The following TSPAN5 variants were observed in gnomAD, a reference collection of about 807,000 sequenced individuals.
TSPAN5 encodes the protein tetraspanin-5.
Under a neutral mutation model 37.1 loss-of-function variants are expected in TSPAN5, and 10 were observed. That is an observed-to-expected ratio of 0.27 (90% confidence interval 0.17 to 0.46). The LOEUF is 0.46. TSPAN5 is among the 20% of genes least tolerant of loss of function. The probability of loss-of-function intolerance (pLI) is 1.00; values close to 1 mark genes in which losing one functional copy is unlikely to be tolerated. For synonymous variants in TSPAN5, 110 were observed against 118.9 expected (o/e 0.93, Z 0.48); for missense variants, 195 against 326.6 (o/e 0.60, Z 3.11).
At chr4:98,546,504 T>C (rs1056155010) in intron 1 of TSPAN5, among the ~76,000 whole-genome samples, 4 of 152,216 alleles carry the variant, frequency 2.6e-5, no homozygotes, top group African/African-American at 7.2e-5. Context: ...CTATGGTATA[T>C]AAGGGCAAAT....
chr4:98,475,154 T>G (rs1324197495), intron 7 of TSPAN5, among the ~76,000 whole-genome samples: 1 of 152,252 alleles, frequency 6.6e-6, no homozygotes, highest in African/African-American at 2.4e-5. Flanking sequence ...ATGGGTCCCT[T>G]GCTTTTCCAT....
chr4:98,589,377 T>G (rs533855935), intron 1 of TSPAN5, among the ~76,000 whole-genome samples: 2 of 152,210 alleles, frequency 1.3e-5, no homozygotes, highest in African/African-American at 4.8e-5. Flanking sequence ...GCTTAACAGC[T>G]GCATTACTGG....
Position 98,476,310 on chromosome 4 carries a change from A to G in TSPAN5, c.625-5T>C. 6.2e-7 allele frequency: 1 copy of G among 1,613,970 alleles called. No homozygotes were observed. On this transcript the variant is annotated splice_polypyrimidine_tract_variant and splice_region_variant and intron_variant, in intron 6 of 7. Transcript: ENST00000305798. ...TACAATCTGCTGGTCAACTTCCTTC[A>G]CAAGAGAAGAGGAGAGCACATTGTC...
chr4:98,611,894 C>T (rs1370246318), intron 1 of TSPAN5, among the ~76,000 whole-genome samples: 3 of 152,190 alleles, frequency 2.0e-5, no homozygotes, highest in African/African-American at 7.2e-5. Context: ...TGGAGGGTGG[C>T]GAGTGGGCTG....
chr4:98,569,338 T>C (rs1329763373), intron 1 of TSPAN5, among the ~76,000 whole-genome samples: 1 of 152,214 alleles, frequency 6.6e-6, no homozygotes, highest in African/African-American at 2.4e-5. Flanking sequence ...GATGGAGAGA[T>C]TAGCTCTGGC....
chr4:98,617,123 G>T (rs972320805), intron 1 of TSPAN5, among the ~76,000 whole-genome samples: 1 of 152,096 alleles, frequency 6.6e-6, no homozygotes, highest in Non-Finnish European at 1.5e-5. Context: ...CTTTAAGAAA[G>T]AATTTATGAA....
chr4:98,479,710 C>T (rs1271727528), intron 4 of TSPAN5, among the ~76,000 whole-genome samples: 4 of 152,276 alleles, frequency 2.6e-5, no homozygotes, highest in East Asian at 1.9e-4. Flanking sequence ...TGTAGCTTCA[C>T]GTCCTGTTTC....
chr4:98,582,247 T>C (rs996692720), intron 1 of TSPAN5, among the ~76,000 whole-genome samples: 7 of 152,250 alleles, frequency 4.6e-5, no homozygotes, highest in Non-Finnish European at 8.8e-5. Context: ...CAACCGCATG[T>C]TGCGTTTGCT....
chr4:98,497,181 C>T (rs1170293236), intron 2 of TSPAN5, among the ~76,000 whole-genome samples: 1 of 151,912 alleles, frequency 6.6e-6, no homozygotes, highest in Non-Finnish European at 1.5e-5. Context: ...AAAAATCAGC[C>T]AGGCGTGCGC....
intron 1 of TSPAN5, among the ~76,000 whole-genome samples, chr4:98,607,168 G>A (rs1034453767): frequency 7.9e-5 from 12 of 152,246 alleles, no homozygotes; most frequent in Admixed American, 3.3e-4. Flanking sequence ...CATTTTCCCC[G>A]CTCTGGGCAG....
At chr4:98,591,216 A>T (rs2110208085) in intron 1 of TSPAN5, among the ~76,000 whole-genome samples, 1 of 149,642 alleles carries the variant, frequency 6.7e-6, no homozygotes, top group Admixed American at 6.7e-5. Flanking sequence ...CCAGGCCAAT[A>T]CGCAAAATTC....
At chr4:98,606,457 T>C (rs950214348) in intron 1 of TSPAN5, among the ~76,000 whole-genome samples, 2 of 152,252 alleles carry the variant, frequency 1.3e-5, no homozygotes, top group African/African-American at 4.8e-5. Context: ...TATTTCTGGA[T>C]AAAACTATAA....
chr4:98,657,560 AGAG>A (rs1757317773), intron 1 of TSPAN5: 1 of 157,928 alleles, frequency 6.3e-6, no homozygotes, highest in African/African-American at 2.4e-5. Flanking sequence ...TTCCAGCTGA[AGAG>A]GAGAGCGTGC....
At chr4:98,552,929 C>G (rs1754656157) in intron 1 of TSPAN5, among the ~76,000 whole-genome samples, 2 of 152,166 alleles carry the variant, frequency 1.3e-5, no homozygotes, top group South Asian at 4.1e-4. Flanking sequence ...CTGTGCTTCT[C>G]CATCCCTTCT....
At chr4:98,494,640 A>G (rs1047294747) in intron 2 of TSPAN5, among the ~76,000 whole-genome samples, 5 of 152,136 alleles carry the variant, frequency 3.3e-5, no homozygotes, top group Non-Finnish European at 5.9e-5. Flanking sequence ...ATATTGCCAT[A>G]ATCACTGTTA....
chr4:98,531,604 G>T (rs1754091932), intron 1 of TSPAN5, among the ~76,000 whole-genome samples: 1 of 152,072 alleles, frequency 6.6e-6, no homozygotes. Flanking sequence ...TGGGTCAAAT[G>T]GTATTTCTAG....
At chr4:98,527,653 G>A (rs1009955877) in intron 1 of TSPAN5, among the ~76,000 whole-genome samples, 1 of 152,082 alleles carries the variant, frequency 6.6e-6, no homozygotes, top group Non-Finnish European at 1.5e-5. Context: ...AGACTGACTC[G>A]CCCCAGCCCT....
chr4:98,522,991 T>A (rs4699640), intron 1 of TSPAN5, among the ~76,000 whole-genome samples: 117,724 of 152,186 alleles, frequency 0.77, 46,332 homozygotes, highest in African/African-American at 0.92. Flanking sequence ...CCGAATATCA[T>A]CCTCTCTCCT....
At chr4:98,636,438 T>C (rs982265457) in intron 1 of TSPAN5, among the ~76,000 whole-genome samples, 1 of 152,152 alleles carries the variant, frequency 6.6e-6, no homozygotes, top group Non-Finnish European at 1.5e-5. Context: ...TTTTCCAAAT[T>C]AAGAATATTT....
Sources: allele counts gnomAD v4.1 joint callset (sites outside exome capture counted in the v4.1 genomes callset), GRCh38; gene constraint gnomAD v4.1.1; transcripts MANE v1.5; gene names NCBI Gene and HGNC (gene_info 2026-07-23, HGNC 2026-07-21).